NRG1: variants seen among roughly 807,000 people sequenced by gnomAD.
NRG1 encodes pro-neuregulin-1, membrane-bound isoform.
Under a neutral mutation model 63.8 loss-of-function variants are expected in NRG1, and 18 were observed. The ratio of observed to expected loss-of-function variants is 0.28; its 90% confidence interval spans 0.19 to 0.42. NRG1 has a LOEUF of 0.42. Ranked by LOEUF, NRG1 falls within the 10% of genes least tolerant of loss-of-function variation. The pLI, the probability that NRG1 is intolerant of heterozygous loss-of-function variation, is 1.00. For synonymous variants in NRG1, 302 were observed against 301.3 expected, an observed-to-expected ratio of 1.00 and a Z score of -0.02; for missense variants, 762 against 814.7, an observed-to-expected ratio of 0.94 and a Z score of 0.79.
downstream of NRG1, among the ~76,000 whole-genome samples, chr8:32,772,256 G>T (rs1412330190): frequency 6.6e-6 from 1 of 150,790 alleles, no homozygotes; most frequent in Non-Finnish European, 1.5e-5. Context: ...CTCATCCTGG[G>T]TATGAAGCAA....
At chr8:32,410,264 T>C (rs1421368856) in intron 1 of NRG1, among the ~76,000 whole-genome samples, 1 of 137,616 alleles carries the variant, frequency 7.3e-6, no homozygotes, top group Non-Finnish European at 1.5e-5. Context: ...CACTGCAGCC[T>C]CTACCTCCCA....
At chr8:32,659,823 T>C (rs1802432735) in intron 5 of NRG1, among the ~76,000 whole-genome samples, 1 of 152,246 alleles carries the variant, frequency 6.6e-6, no homozygotes, top group Non-Finnish European at 1.5e-5. Context: ...TTCTATTTTT[T>C]CTACTATAAA....
At chr8:31,699,301 G>A (rs1340287566) in intron 1 of NRG1, among the ~76,000 whole-genome samples, 2 of 151,950 alleles carry the variant, frequency 1.3e-5, no homozygotes, top group African/African-American at 4.8e-5. Flanking sequence ...TAGAAGCCCA[G>A]GTAACACTTG....
intron 1 of NRG1, among the ~76,000 whole-genome samples, chr8:31,663,081 G>A (rs1185746852): frequency 6.6e-6 from 1 of 152,180 alleles, no homozygotes; most frequent in Non-Finnish European, 1.5e-5. Flanking sequence ...GGAACACCCA[G>A]GCAATGGGAC....
chr8:32,748,276 G>T (rs539922603), intron 7 of NRG1, among the ~76,000 whole-genome samples: 2 of 151,236 alleles, frequency 1.3e-5, no homozygotes, highest in Non-Finnish European at 2.9e-5. Flanking sequence ...CCATTGATAT[G>T]CTGTCTCTCC....
intron 1 of NRG1, among the ~76,000 whole-genome samples, chr8:31,773,172 G>C (rs1216143725): frequency 1.3e-5 from 2 of 152,158 alleles, no homozygotes; most frequent in Admixed American, 6.5e-5. Context: ...ATGGGTAAAA[G>C]AAAGTAAATG....
intron 5 of NRG1, among the ~76,000 whole-genome samples, chr8:32,618,102 G>T (rs765383635): frequency 1.3e-5 from 2 of 152,052 alleles, no homozygotes; most frequent in Non-Finnish European, 2.9e-5. Context: ...GATAATTTCT[G>T]CCGGGGAATT....
In NRG1 at chr8:31,640,519, T is replaced by C; in HGVS notation, c.37+1088T>C. 1 of 1,611,418 alleles carries C rather than the reference T, an allele frequency of 6.2e-7. No homozygotes were observed. Among genetic ancestry groups the C allele is most frequent in the Non-Finnish European group, 8.5e-7 (1 of 1,179,290 alleles). On this transcript the variant is annotated intron_variant, in intron 1 of 10. Coordinates refer to the NRG1 transcript ENST00000519301. This position sits in a 1 kb window ranked among gnomAD's most constrained non-coding sequence, Gnocchi z 6.3. Reference sequence around the variant, plus strand: ...GAAAGCCGGGGGCTTGAAGAAGGACTCGCTGCTCACCGTGCGCCTGGGGAC... The same window carrying C: ...GAAAGCCGGGGGCTTGAAGAAGGACCCGCTGCTCACCGTGCGCCTGGGGAC...
chr8:32,487,002 C>T (rs976159077), intron 1 of NRG1, among the ~76,000 whole-genome samples: 1 of 152,032 alleles, frequency 6.6e-6, no homozygotes, highest in Non-Finnish European at 1.5e-5. Flanking sequence ...GTGTCTGATA[C>T]ATGTTACTGA....
chr8:32,648,005 G>A, intron 5 of NRG1: 5 of 1,614,186 alleles, frequency 3.1e-6, no homozygotes, highest in South Asian at 1.1e-5. Context: ...CCGGCCTCAA[G>A]TGGGTATTTG....
intron 1 of NRG1, among the ~76,000 whole-genome samples, chr8:31,842,444 T>C (rs1826284049): frequency 6.6e-6 from 1 of 152,220 alleles, no homozygotes; most frequent in Non-Finnish European, 1.5e-5. Context: ...TAATATCCAA[T>C]GAAGCCATTT....
chr8:32,505,067 G>A (rs1250363293), intron 1 of NRG1, among the ~76,000 whole-genome samples: 2 of 152,144 alleles, frequency 1.3e-5, no homozygotes, highest in Admixed American at 6.5e-5. Context: ...CCCTTTAAAA[G>A]GGAGTTTTCG....
chr8:31,824,093 G>A (rs1586655104), intron 1 of NRG1, among the ~76,000 whole-genome samples: 2 of 151,832 alleles, frequency 1.3e-5, no homozygotes, highest in South Asian at 4.2e-4. Flanking sequence ...ATGTATACAT[G>A]TGCCATGTTG....
At position 31,833,424 on chromosome 8, in the gene NRG1, C is replaced by T. The variant is rs561363750; in HGVS notation, c.37+193993C>T. Among the ~76,000 whole-genome samples the T allele has an allele frequency of 4.1e-4, 63 of 152,214 alleles. 1 individual carries two copies. Among genetic ancestry groups the T allele is most frequent in the African/African-American group, 1.3e-3 (56 of 41,532 alleles). ...CTCTGGACCTGTAGAGTTCTTACCC[C>T]GGAGTGATTACAATTTCTGAAAAGA... On this transcript the variant is annotated intron_variant, in intron 1 of 10. Coordinates refer to the NRG1 transcript ENST00000519301.
intron 1 of NRG1, among the ~76,000 whole-genome samples, chr8:32,350,202 A>G (rs1805424926): frequency 6.6e-6 from 1 of 152,212 alleles, no homozygotes; most frequent in Non-Finnish European, 1.5e-5. Flanking sequence ...AAACACTGCT[A>G]TAAACAGAGA....
intron 1 of NRG1, among the ~76,000 whole-genome samples, chr8:32,182,952 G>A (rs1056610926): frequency 1.3e-5 from 2 of 152,072 alleles, no homozygotes; most frequent in African/African-American, 4.8e-5. Context: ...AAGGAAATGG[G>A]GAGAGAAAAA....
At chr8:32,258,829 A>G (rs1360333823) in intron 1 of NRG1, among the ~76,000 whole-genome samples, 14 of 152,194 alleles carry the variant, frequency 9.2e-5, no homozygotes, top group Non-Finnish European at 8.8e-5. Context: ...GCCAAAACAT[A>G]TCAGGTACAA....
chr8:31,673,125 G>T (rs1045957805), intron 1 of NRG1, among the ~76,000 whole-genome samples: 1 of 151,744 alleles, frequency 6.6e-6, no homozygotes, highest in Non-Finnish European at 1.5e-5. Flanking sequence ...GTTTTAAATT[G>T]TAGTATATAT....
intron 1 of NRG1, among the ~76,000 whole-genome samples, chr8:32,332,019 C>T (rs1802716928): frequency 6.6e-6 from 1 of 151,872 alleles, no homozygotes; most frequent in Non-Finnish European, 1.5e-5. Flanking sequence ...GGAGTGGTGG[C>T]TCATACATGT....
Sources: gnomAD v4.1 joint callset for allele counts (sites outside exome capture counted in the v4.1 genomes callset) on GRCh38, gnomAD v4.1.1 for gene constraint, Gnocchi (gnomAD v3.1) non-coding constraint, MANE v1.5 for transcripts, NCBI Gene and HGNC (gene_info 2026-07-23, HGNC 2026-07-21) for gene names.